Variants in PAH observed in about 807,000 individuals in gnomAD.
PAH encodes phenylalanine hydroxylase, also known as phenylalanine-4-hydroxylase.
PAH carries 64 observed loss-of-function variants against 62.0 expected under a neutral mutation model. The ratio of observed to expected loss-of-function variants is 1.03; its 90% CI spans 0.84 to 1.27. PAH has a LOEUF of 1.27. PAH is among the 50% of genes most tolerant of loss of function. PAH has a pLI of 0.00. For missense variants in PAH, 579 were observed against 542.8 expected (o/e 1.07, Z -0.66); for synonymous variants, 195 against 196.2 (o/e 0.99, Z 0.05).
chr12:102,934,758 T>A (rs1175140291), intron 1 of PAH, among the ~76,000 whole-genome samples: 2 of 152,156 alleles, frequency 1.3e-5, no homozygotes, highest in African/African-American at 4.8e-5. Flanking sequence ...TGATTTTCTA[T>A]GTTAATTTTA....
intron 4 of PAH, among the ~76,000 whole-genome samples, chr12:102,871,234 A>T (rs1285747487): frequency 6.6e-6 from 1 of 152,242 alleles, no homozygotes; most frequent in Non-Finnish European, 1.5e-5. Context: ...TATTTAGCAC[A>T]GTCCACAAGG....
intron 2 of PAH, among the ~76,000 whole-genome samples, chr12:102,911,155 C>A (rs1014273036): frequency 6.6e-6 from 1 of 152,132 alleles, no homozygotes; most frequent in African/African-American, 2.4e-5. Flanking sequence ...GGACAGGGAA[C>A]CCAGCAGTTA....
intron 1 of PAH, among the ~76,000 whole-genome samples, chr12:102,937,450 G>A (rs899460812): frequency 6.6e-6 from 1 of 151,994 alleles, no homozygotes; most frequent in Non-Finnish European, 1.5e-5. Flanking sequence ...GGGTACCAAT[G>A]AGGCTTCCAC....
intron 2 of PAH, among the ~76,000 whole-genome samples, chr12:102,898,918 G>T (rs540028064): frequency 6.6e-6 from 1 of 152,296 alleles, no homozygotes; most frequent in African/African-American, 2.4e-5. Context: ...CAGGCTCACG[G>T]TGCAGCCATT....
At chr12:102,873,195 C>T (rs1033271673) in intron 4 of PAH, among the ~76,000 whole-genome samples, 3 of 152,202 alleles carry the variant, frequency 2.0e-5, no homozygotes, top group African/African-American at 7.2e-5. Context: ...CTCCTTTGTT[C>T]AGAGAACGTT....
In PAH at chr12:102,957,341, C is replaced by A. The variant is rs187868692; in HGVS notation, c.-96+854G>T. ...TTGTCCCTCCTGTGACGCCCCCCAC[C>A]CCCTTCCTAAAGCCACCCCCGGCAG... On this transcript the variant is annotated intron_variant, in intron 1 of 4. Coordinates refer to the PAH transcript ENST00000551337. This position sits in a 1 kb window ranked among gnomAD's most constrained non-coding sequence, Gnocchi z 4.1. Among the ~76,000 whole-genome samples the A allele has an allele frequency of 2.6e-3, 399 of 152,276 alleles. 1 individual carries two copies. Among genetic ancestry groups the A allele is most frequent in the Non-Finnish European group, 4.4e-3 (297 of 68,028 alleles).
intron 5 of PAH, among the ~76,000 whole-genome samples, chr12:102,862,362 A>T (rs1875766104): frequency 6.6e-6 from 1 of 152,144 alleles, no homozygotes. Flanking sequence ...ACATACAGAC[A>T]CATAGAGGGG....
chr12:102,958,344 A>ACGGCCGCAGCCGCGG (rs533680685), exon 1 of PAH: 153 of 1,453,694 alleles, frequency 1.1e-4, no homozygotes, highest in Middle Eastern at 2.4e-4. Context: ...TTTCTTTGCC[A>ACGGCCGCAGCCGCGG]CGGCCGCAGC....
chr12:102,840,507 G>A lies in PAH; in HGVS notation c.1208C>T (p.Ala403Val), dbSNP rs5030857. ...TGAGAAGGGCCGAGGTATTGTGGCAGCAAAGTTCCTAAGACCAAAACCACA... is the reference window on the plus strand; with the variant it reads ...TGAGAAGGGCCGAGGTATTGTGGCAACAAAGTTCCTAAGACCAAAACCACA... ...NDAKEKVRNF[A>V]ATIPRPFSVR... The change falls in exon 12 of 13, where the codon GCT (alanine) becomes GTT (valine). Residue 403 changes from alanine (A) to valine (V), a missense_variant. Coordinates refer to ENST00000553106, the MANE Select transcript of PAH (RefSeq NM_000277.3). 4.9e-4 allele frequency: 783 copies of A among 1,612,886 alleles called. 3 individuals are homozygous for A. The highest frequency in any genetic ancestry group is 1.8e-3 in the Middle Eastern group (11 of 6,056).
At chr12:102,900,121 C>T (rs1877692921) in intron 2 of PAH, among the ~76,000 whole-genome samples, 20 of 142,586 alleles carry the variant, frequency 1.4e-4, no homozygotes, top group Admixed American at 1.4e-3. Flanking sequence ...GTGATCTCGG[C>T]TCACTGCAAG....
At chr12:102,854,354 G>T (rs1460666398) in intron 6 of PAH, among the ~76,000 whole-genome samples, 1 of 152,004 alleles carries the variant, frequency 6.6e-6, no homozygotes, top group Admixed American at 6.6e-5. Context: ...TATTCTACCT[G>T]GCACACAGTA....
chr12:102,920,446 T>G (rs777495400), upstream of PAH, among the ~76,000 whole-genome samples: 3 of 152,212 alleles, frequency 2.0e-5, no homozygotes. Context: ...TTGGCAAACT[T>G]AGAGCTGACC....
chr12:102,891,324 C>T (rs997399032), intron 3 of PAH, among the ~76,000 whole-genome samples: 38 of 152,176 alleles, frequency 2.5e-4, no homozygotes, highest in African/African-American at 6.7e-4. Context: ...CACACCCTTG[C>T]GCATGACCCC....
chr12:102,871,940 AAAAAAAAAAATATATATATATATAT>A (rs1172238473), intron 4 of PAH, among the ~76,000 whole-genome samples: 27 of 7,258 alleles, frequency 3.7e-3, no homozygotes, highest in South Asian at 0.016. Flanking sequence ...AAAAAAAAAA[AAAAAAAAAAATATATATATATATAT>A]ATATATATAT....
intron 1 of PAH, 103 bp downstream of exon 1, chr12:102,916,968 T>A: frequency 1.9e-6 from 2 of 1,045,872 alleles, no homozygotes; most frequent in South Asian, 2.5e-5. Flanking sequence ...AATTCAGACT[T>A]CTTACTGAGC....
At chr12:102,861,658 AG>A (rs1279063289) in intron 5 of PAH, among the ~76,000 whole-genome samples, 2 of 152,212 alleles carry the variant, frequency 1.3e-5, no homozygotes, top group East Asian at 3.9e-4. Flanking sequence ...GCCATAAAAA[AG>A]GATGAGTTCA....
intron 5 of PAH, among the ~76,000 whole-genome samples, chr12:102,860,783 G>A (rs1592958035): frequency 1.3e-5 from 2 of 152,324 alleles, no homozygotes; most frequent in East Asian, 3.9e-4. Flanking sequence ...CTAGCCACGT[G>A]TAGAAAGCTG....
chr12:102,850,263 G>C (rs770845269), intron 8 of PAH, among the ~76,000 whole-genome samples: 3 of 152,172 alleles, frequency 2.0e-5, no homozygotes, highest in African/African-American at 7.2e-5. Context: ...AAAGTCCAAC[G>C]ATCTTTGAAC....
At chr12:102,844,482 G>T in intron 9 of PAH, 51 bp from the exon 10 acceptor site, 1 of 1,200,772 alleles carries the variant, frequency 8.3e-7, no homozygotes, top group Non-Finnish European at 1.2e-6. Context: ...TTAATTTTAT[G>T]TGTCACCTTG....
Sources: allele counts gnomAD v4.1 joint callset (sites outside exome capture counted in the v4.1 genomes callset), GRCh38; gene constraint gnomAD v4.1.1; non-coding constraint Gnocchi (gnomAD v3.1); transcripts MANE v1.5; gene names NCBI Gene and HGNC (gene_info 2026-07-23, HGNC 2026-07-21).